LYPD6: variants seen among roughly 807,000 people sequenced by gnomAD.
The protein encoded by LYPD6 is LY6/PLAUR domain containing 6, also known as ly6/PLAUR domain-containing protein 6.
LYPD6 carries 15 observed loss-of-function variants against 22.7 expected under a neutral mutation model. The ratio of observed to expected loss-of-function variants is 0.66; its 90% CI spans 0.44 to 1.02. The LOEUF (loss-of-function observed/expected upper bound fraction) is 1.02, where lower values mean the gene tolerates loss of function less well. Among genes scored for constraint, LYPD6 ranks in the 50% least tolerant of loss-of-function variants. LYPD6 has a pLI of 0.00. For missense variants in LYPD6, 189 were observed against 208.4 expected (o/e 0.91, Z 0.57); for synonymous variants, 72 against 77.5 (o/e 0.93, Z 0.37).
chr2:149,427,311 A>G (rs1422378580), intron 1 of LYPD6, among the ~76,000 whole-genome samples: 1 of 152,192 alleles, frequency 6.6e-6, no homozygotes, highest in African/African-American at 2.4e-5. Context: ...TCCTGGAAAA[A>G]ATAAAATGAA....
intron 1 of LYPD6, among the ~76,000 whole-genome samples, chr2:149,413,951 A>T (rs953133814): frequency 6.6e-6 from 1 of 152,262 alleles, no homozygotes; most frequent in African/African-American, 2.4e-5. Flanking sequence ...GAAAATGTGC[A>T]TAAGTTAGGG....
At chr2:149,382,877 C>T (rs1206329386) in intron 1 of LYPD6, among the ~76,000 whole-genome samples, 1 of 151,906 alleles carries the variant, frequency 6.6e-6, no homozygotes, top group Non-Finnish European at 1.5e-5. Flanking sequence ...TCTTATAGTA[C>T]TTCACATATG....
intron 1 of LYPD6, among the ~76,000 whole-genome samples, chr2:149,345,823 A>T (rs1398014846): frequency 6.6e-6 from 1 of 152,190 alleles, no homozygotes; most frequent in African/African-American, 2.4e-5. Flanking sequence ...TTTCTCAAAT[A>T]TATAAAAGAT....
At chr2:149,480,011 TTC>T in the LYPD6 span, among the ~76,000 whole-genome samples, 5 of 147,264 alleles carry the variant, frequency 3.4e-5, no homozygotes, top group African/African-American at 7.9e-5. Flanking sequence ...CTTTCCTTTT[TTC>T]TCTCTCTTTT....
At chr2:149,392,643 T>G (rs1682338423) in intron 1 of LYPD6, among the ~76,000 whole-genome samples, 1 of 152,202 alleles carries the variant, frequency 6.6e-6, no homozygotes. Flanking sequence ...ATATCTGTTG[T>G]TTTGAAATAT....
chr2:149,335,080 A>G (rs1376152820), intron 1 of LYPD6, among the ~76,000 whole-genome samples: 1 of 152,160 alleles, frequency 6.6e-6, no homozygotes, highest in African/African-American at 2.4e-5. Context: ...TATGTTACTG[A>G]TTTATGTATT....
chr2:149,409,264 A>G (rs1193953231), intron 1 of LYPD6, among the ~76,000 whole-genome samples: 5 of 152,162 alleles, frequency 3.3e-5, no homozygotes, highest in African/African-American at 1.2e-4. Flanking sequence ...TCTCATCTTC[A>G]GGTCTTGCAG....
chr2:149,386,630 T>C (rs181645268), intron 1 of LYPD6, among the ~76,000 whole-genome samples: 1 of 152,334 alleles, frequency 6.6e-6, no homozygotes, highest in East Asian at 1.9e-4. Flanking sequence ...AACCATGTCT[T>C]CTCATTTAAC....
chr2:149,331,404 C>A (rs1294253101), intron 1 of LYPD6, among the ~76,000 whole-genome samples: 1 of 152,216 alleles, frequency 6.6e-6, no homozygotes, highest in Non-Finnish European at 1.5e-5. Flanking sequence ...CTAAAGCTCA[C>A]TATCTGACGG....
intron 1 of LYPD6, among the ~76,000 whole-genome samples, chr2:149,354,107 G>A (rs1559122080): frequency 1.3e-5 from 2 of 152,304 alleles, no homozygotes; most frequent in East Asian, 3.9e-4. Context: ...CCCGCATTGG[G>A]TTGTACTGGT....
chr2:149,340,611 T>G (rs1681142416), intron 1 of LYPD6, among the ~76,000 whole-genome samples: 1 of 152,162 alleles, frequency 6.6e-6, no homozygotes, highest in Admixed American at 6.6e-5. Context: ...TGGCTGACCT[T>G]TAGCCAGTAG....
chr2:149,397,873 T>C (rs1466678473), intron 1 of LYPD6, among the ~76,000 whole-genome samples: 1 of 152,138 alleles, frequency 6.6e-6, no homozygotes, highest in Non-Finnish European at 1.5e-5. Context: ...TATCACCACT[T>C]ATTAACAGAC....
chr2:149,420,092 A>G (rs758207398), intron 1 of LYPD6, among the ~76,000 whole-genome samples: 8 of 152,206 alleles, frequency 5.3e-5, no homozygotes, highest in Non-Finnish European at 1.0e-4. Context: ...GACTAGAAAG[A>G]GAGGCCAGAA....
At chr2:149,352,557 G>C (rs1374651646) in intron 1 of LYPD6, among the ~76,000 whole-genome samples, 2 of 152,168 alleles carry the variant, frequency 1.3e-5, no homozygotes, top group Non-Finnish European at 2.9e-5. Context: ...TACTGGCTGG[G>C]AAAGGGGATT....
intron 1 of LYPD6, among the ~76,000 whole-genome samples, chr2:149,372,249 A>G (rs1423079721): frequency 6.6e-6 from 1 of 152,150 alleles, no homozygotes; most frequent in African/African-American, 2.4e-5. Flanking sequence ...CTTGCGATAC[A>G]ACTCTATCAG....
chr2:149,484,973 C>G, the LYPD6 span, among the ~76,000 whole-genome samples: 1 of 152,170 alleles, frequency 6.6e-6, no homozygotes, highest in Non-Finnish European at 1.5e-5. Flanking sequence ...ACATCTACTT[C>G]TTAGCCTTGT....
intron 1 of LYPD6, among the ~76,000 whole-genome samples, chr2:149,413,102 A>T (rs1682888167): frequency 6.6e-6 from 1 of 152,150 alleles, no homozygotes; most frequent in Non-Finnish European, 1.5e-5. Context: ...TTTATAAAGG[A>T]TCAACACATC....
intron 1 of LYPD6, among the ~76,000 whole-genome samples, chr2:149,416,913 T>C (rs550802295): frequency 2.0e-5 from 3 of 152,198 alleles, no homozygotes; most frequent in Admixed American, 2.0e-4. Context: ...GATACAACAC[T>C]GGATTCCATG....
At chr2:149,348,030 A>G (rs1408941900) in intron 1 of LYPD6, among the ~76,000 whole-genome samples, 2 of 147,120 alleles carry the variant, frequency 1.4e-5, no homozygotes, top group East Asian at 2.0e-4. Context: ...AGTCTGGCCA[A>G]CATTGCGAAA....
Sources: allele counts gnomAD v4.1 joint callset (sites outside exome capture counted in the v4.1 genomes callset), GRCh38; gene constraint gnomAD v4.1.1; transcripts MANE v1.5; gene names NCBI Gene and HGNC (gene_info 2026-07-23, HGNC 2026-07-21).